The following ROBO1 variants were observed in gnomAD, a reference collection of about 807,000 sequenced individuals.
ROBO1 encodes the protein roundabout guidance receptor 1, also known as roundabout homolog 1.
A neutral mutation model predicts 195.9 loss-of-function variants in ROBO1; 149 were observed. That is an observed-to-expected ratio of 0.76 (90% CI 0.67 to 0.87). ROBO1 has a LOEUF of 0.87. Among genes scored for constraint, ROBO1 ranks in the 40% least tolerant of loss-of-function variants. ROBO1 has a pLI of 0.00. For synonymous variants in ROBO1, 816 were observed against 733.2 expected (o/e 1.11, Z -1.82); for missense variants, 1,933 against 2,068.3 (o/e 0.93, Z 1.27).
chr3:78,717,320 G>C lies in ROBO1; in HGVS notation c.872C>G (p.Pro291Arg), dbSNP rs772314724. Residue 291 changes from proline (P) to arginine (R), a missense_variant, in exon 7 of 31, where the codon CCT becomes CGT. Physicochemically the swap from Pro to Arg is moderately radical, Grantham distance 103 (BLOSUM62 -2). Transcript: ENST00000464233. ...FKCEARGDPV[P>R]TVRWRKDDGE... is the part of the protein sequence containing the mutation. Reference sequence around the variant, plus strand: ...ATCATCTTTCCTCCATCGTACTGTAGGTACAGGGTCACCTCGGGCCTCACA... The same window carrying C: ...ATCATCTTTCCTCCATCGTACTGTACGTACAGGGTCACCTCGGGCCTCACA... 1.9e-6 allele frequency: 3 copies of C among 1,608,390 alleles called. No homozygotes were observed. Among genetic ancestry groups the C allele is most frequent in the Non-Finnish European group, 2.5e-6 (3 of 1,177,908 alleles).
chr3:79,059,705 A>G (rs567634797), intron 3 of ROBO1, among the ~76,000 whole-genome samples: 85 of 152,174 alleles, frequency 5.6e-4, no homozygotes, highest in Non-Finnish European at 9.9e-4. Flanking sequence ...TCACTTCCCC[A>G]ATCAATACTC....
At chr3:78,997,561 G>A (rs1477862071) in intron 3 of ROBO1, among the ~76,000 whole-genome samples, 1 of 152,122 alleles carries the variant, frequency 6.6e-6, no homozygotes, top group Admixed American at 6.6e-5. Flanking sequence ...TAGGCACACA[G>A]AGATCAAGAA....
chr3:79,565,767 T>C (rs576713178), intron 2 of ROBO1, among the ~76,000 whole-genome samples: 2 of 152,208 alleles, frequency 1.3e-5, no homozygotes, highest in African/African-American at 4.8e-5. Flanking sequence ...TACTTTTGAA[T>C]GTAAAGATAT....
chr3:78,844,699 A>C lies in ROBO1; in HGVS notation c.499+93902T>G, dbSNP rs182766264. On this transcript the variant is annotated intron_variant, in intron 4 of 30. Transcript: ENST00000464233. ...ATAAATATAACAAAATACAAGTTTA[A>C]AGTCAAAATCTAACACTGAAAATAT... is the stretch of plus-strand genomic sequence containing the variant. Among the ~76,000 whole-genome samples the C allele has an allele frequency of 6.2e-4, 94 of 152,256 alleles. No homozygotes were observed. In the East Asian group the frequency reaches 0.013, roughly 21 times the overall value.
intron 21 of ROBO1, among the ~76,000 whole-genome samples, chr3:78,643,149 G>A (rs1281607124): frequency 7.9e-5 from 12 of 152,210 alleles, no homozygotes; most frequent in African/African-American, 2.2e-4. Flanking sequence ...GTTGCCAAAC[G>A]TTTTTGGTAA....
At chr3:79,607,722 A>C (rs907560459) in intron 1 of ROBO1, among the ~76,000 whole-genome samples, 1 of 151,974 alleles carries the variant, frequency 6.6e-6, no homozygotes, top group Admixed American at 6.6e-5. Flanking sequence ...GTAATTACGA[A>C]GCTGAAAAAC....
chr3:79,040,945 A>C (rs1553666355), intron 3 of ROBO1, among the ~76,000 whole-genome samples: 1 of 151,978 alleles, frequency 6.6e-6, no homozygotes, highest in Non-Finnish European at 1.5e-5. Context: ...AGCCTGACTC[A>C]CTCCTTTGAC....
intron 2 of ROBO1, among the ~76,000 whole-genome samples, chr3:79,420,818 C>G (rs1192149489): frequency 6.6e-6 from 1 of 152,074 alleles, no homozygotes; most frequent in African/African-American, 2.4e-5. Context: ...AAGCAGTGGA[C>G]AATTTCTCAA....
intron 4 of ROBO1, among the ~76,000 whole-genome samples, chr3:78,934,650 T>C (rs1001382950): frequency 6.6e-6 from 1 of 152,004 alleles, no homozygotes; most frequent in African/African-American, 2.4e-5. Flanking sequence ...GCTACGGTGC[T>C]GATATCTCAG....
chr3:79,334,330 A>ATG (rs1370035639), intron 2 of ROBO1, among the ~76,000 whole-genome samples: 25 of 144,732 alleles, frequency 1.7e-4, no homozygotes, highest in East Asian at 3.9e-4. Context: ...ATATATATAT[A>ATG]TGTGTATATA....
chr3:79,700,247 A>G (rs913090837), intron 1 of ROBO1, among the ~76,000 whole-genome samples: 2 of 149,516 alleles, frequency 1.3e-5, no homozygotes, highest in East Asian at 3.9e-4. Context: ...AGCTAGGTTG[A>G]TTTCATGTCT....
intron 2 of ROBO1, among the ~76,000 whole-genome samples, chr3:79,542,017 T>G (rs1942090120): frequency 6.6e-6 from 1 of 151,870 alleles, no homozygotes; most frequent in East Asian, 1.9e-4. Context: ...TCTAATAGAA[T>G]TACTAGGGAC....
At chr3:79,732,926 A>G (rs1002781635) in intron 1 of ROBO1, among the ~76,000 whole-genome samples, 5 of 152,194 alleles carry the variant, frequency 3.3e-5, no homozygotes, top group Non-Finnish European at 7.4e-5. Context: ...TCTCTTTTCC[A>G]TATCTCAATC....
intron 1 of ROBO1, among the ~76,000 whole-genome samples, chr3:79,696,506 T>C (rs1278776893): frequency 6.7e-6 from 1 of 150,198 alleles, no homozygotes; most frequent in East Asian, 2.0e-4. Context: ...ATATATGAGG[T>C]ATAGAAGGAA....
intron 4 of ROBO1, among the ~76,000 whole-genome samples, chr3:78,903,346 G>C (rs191950930): frequency 7.2e-5 from 11 of 151,812 alleles, no homozygotes; most frequent in Admixed American, 5.9e-4. Flanking sequence ...TCTTACTTTT[G>C]AAGTTTTGCC....
intron 2 of ROBO1, among the ~76,000 whole-genome samples, chr3:79,213,737 C>A (rs1297829397): frequency 6.6e-6 from 1 of 151,526 alleles, no homozygotes; most frequent in Non-Finnish European, 1.5e-5. Flanking sequence ...CCACTGCTTT[C>A]CTGGGGTATA....
chr3:79,343,102 T>A (rs376915689), intron 2 of ROBO1, among the ~76,000 whole-genome samples: 3 of 152,218 alleles, frequency 2.0e-5, no homozygotes, highest in South Asian at 4.1e-4. Flanking sequence ...TCATACAGTA[T>A]GTAGCCTTTT....
At chr3:79,052,447 A>T (rs1173072864) in intron 3 of ROBO1, among the ~76,000 whole-genome samples, 1 of 152,024 alleles carries the variant, frequency 6.6e-6, no homozygotes, top group East Asian at 1.9e-4. Context: ...CAGTCTGGCC[A>T]TGTGATCTCA....
At chr3:78,799,393 G>A (rs1167217588) in intron 4 of ROBO1, among the ~76,000 whole-genome samples, 4 of 151,904 alleles carry the variant, frequency 2.6e-5, no homozygotes, top group African/African-American at 9.7e-5. Context: ...CCAGGCTGGA[G>A]TGCAGTGGCA....
Sources: gnomAD v4.1 joint callset for allele counts (sites outside exome capture counted in the v4.1 genomes callset) on GRCh38, gnomAD v4.1.1 for gene constraint, MANE v1.5 for transcripts, NCBI Gene and HGNC (gene_info 2026-07-23, HGNC 2026-07-21) for gene names.